Variants in GALNT13 observed in about 807,000 individuals in gnomAD.
GALNT13 encodes UDP-GalNAc:polypeptide N-acetylgalactosaminyltransferase 13.
GALNT13 carries 28 observed loss-of-function variants against 64.2 expected under a neutral mutation model. That is an observed-to-expected ratio of 0.44 (90% CI 0.32 to 0.60). The LOEUF is 0.60. Ranked by LOEUF, GALNT13 falls within the 20% of genes least tolerant of loss-of-function variation. The probability of loss-of-function intolerance (pLI) is 0.05; values close to 1 mark genes in which losing one functional copy is unlikely to be tolerated. For synonymous variants in GALNT13, 214 were observed against 224.6 expected (o/e 0.95, Z 0.42); for missense variants, 577 against 669.8 (o/e 0.86, Z 1.53).
the GALNT13 span, among the ~76,000 whole-genome samples, chr2:153,622,502 A>G: frequency 6.6e-6 from 1 of 152,182 alleles, no homozygotes; most frequent in Non-Finnish European, 1.5e-5. Flanking sequence ...GAGGTAAGGC[A>G]AAGATGATTT....
Position 153,916,309 on chromosome 2 carries a change from G to A in GALNT13, c.-105+15302G>A, listed in dbSNP as rs144451175. Among the ~76,000 whole-genome samples the A allele has an allele frequency of 4.1e-3, 628 of 151,766 alleles. 3 individuals carry two copies. The highest frequency in any genetic ancestry group is 0.014 in the African/African-American group (592 of 41,380). ...GTATCCGGGATGATTGGTGTGTGGC[G>A]TTGTGCCTGGCTAATTTTTAAATTT... On this transcript the variant is annotated intron_variant, in intron 2 of 12. Coordinates refer to ENST00000392825, the MANE Select transcript of GALNT13 (RefSeq NM_052917.4).
intron 3 of GALNT13, among the ~76,000 whole-genome samples, chr2:154,104,841 G>A (rs1256503418): frequency 6.6e-6 from 1 of 152,148 alleles, no homozygotes; most frequent in Non-Finnish European, 1.5e-5. Context: ...CCCAGAATGG[G>A]TACACAACCA....
At chr2:153,723,368 G>T in the GALNT13 span, among the ~76,000 whole-genome samples, 1 of 150,488 alleles carries the variant, frequency 6.6e-6, no homozygotes, top group Non-Finnish European at 1.5e-5. Context: ...GCAAAAACTG[G>T]AAGCATTCCC....
intron 3 of GALNT13, among the ~76,000 whole-genome samples, chr2:154,014,779 C>G (rs1696893685): frequency 1.3e-5 from 2 of 151,118 alleles, no homozygotes; most frequent in Admixed American, 1.3e-4. Flanking sequence ...ACTACAGGCG[C>G]CCACCACCAC....
intron 9 of GALNT13, among the ~76,000 whole-genome samples, chr2:154,350,145 GATGGT>G (rs1359314463): frequency 1.3e-5 from 2 of 152,206 alleles, no homozygotes; most frequent in Non-Finnish European, 2.9e-5. Flanking sequence ...TAACTCCTGT[GATGGT>G]TAACATTGAG....
the GALNT13 span, among the ~76,000 whole-genome samples, chr2:153,833,096 T>C: frequency 3.3e-5 from 5 of 152,132 alleles, no homozygotes; most frequent in Admixed American, 2.6e-4. Flanking sequence ...TTGTTCAGGA[T>C]GTGAATTATC....
chr2:154,152,061 G>T lies in GALNT13; in HGVS notation c.311+11556G>T, dbSNP rs185028510. Among the ~76,000 whole-genome samples the T allele has an allele frequency of 1.0e-3, 155 of 152,250 alleles. 1 individual carries two copies. In the East Asian group the frequency reaches 0.024, roughly 24 times the overall value. Reference sequence around the variant, plus strand: ...TACAATTTGGCATGTTTTTGCAGTGGCTGGTACCGGTTGTTCCTTTCCATG... The same window carrying T: ...TACAATTTGGCATGTTTTTGCAGTGTCTGGTACCGGTTGTTCCTTTCCATG... On this transcript the variant is annotated intron_variant, in intron 4 of 12. Transcript: ENST00000392825.
At chr2:153,104,969 C>G in the GALNT13 span, among the ~76,000 whole-genome samples, 2 of 151,434 alleles carry the variant, frequency 1.3e-5, no homozygotes, top group Admixed American at 6.6e-5. Flanking sequence ...ATGTGCCATG[C>G]TGGTGTGTGC....
the GALNT13 span, among the ~76,000 whole-genome samples, chr2:153,118,319 C>T: frequency 3.3e-5 from 5 of 152,190 alleles, no homozygotes; most frequent in Non-Finnish European, 5.9e-5. Flanking sequence ...TTCACAAGTC[C>T]TCTTCCTCAG....
chr2:153,789,236 G>T, the GALNT13 span, among the ~76,000 whole-genome samples: 3 of 151,900 alleles, frequency 2.0e-5, no homozygotes, highest in East Asian at 1.9e-4. Flanking sequence ...GAACCGAAAT[G>T]ACACCAAACA....
At chr2:153,068,522 T>TC in the GALNT13 span, among the ~76,000 whole-genome samples, 2 of 152,220 alleles carry the variant, frequency 1.3e-5, no homozygotes, top group Non-Finnish European at 1.5e-5. Context: ...AAGTGTGAAC[T>TC]CATACCATTT....
At chr2:153,921,443 A>G (rs944248778) in intron 2 of GALNT13, among the ~76,000 whole-genome samples, 13 of 152,262 alleles carry the variant, frequency 8.5e-5, no homozygotes, top group African/African-American at 3.1e-4. Context: ...GAGGGGAACA[A>G]CAGGCACCAA....
chr2:153,806,282 C>T, the GALNT13 span, among the ~76,000 whole-genome samples: 1 of 151,952 alleles, frequency 6.6e-6, no homozygotes, highest in Non-Finnish European at 1.5e-5. Flanking sequence ...AAGAAGCTCC[C>T]ACTAGCCAAA....
intron 4 of GALNT13, among the ~76,000 whole-genome samples, chr2:154,180,500 G>A (rs1455741382): frequency 6.7e-6 from 1 of 148,412 alleles, no homozygotes; most frequent in African/African-American, 2.5e-5. Flanking sequence ...CGTTTCTACA[G>A]TTATAAGTAC....
the GALNT13 span, among the ~76,000 whole-genome samples, chr2:153,110,596 T>C: frequency 6.6e-6 from 1 of 152,106 alleles, no homozygotes; most frequent in Admixed American, 6.6e-5. Context: ...TTTCACAGGA[T>C]GTGTGATCTT....
chr2:153,426,076 TA>T, the GALNT13 span, among the ~76,000 whole-genome samples: 1 of 151,908 alleles, frequency 6.6e-6, no homozygotes, highest in South Asian at 2.1e-4. Context: ...TATGATTTAA[TA>T]TTGATAGTGA....
intron 2 of GALNT13, among the ~76,000 whole-genome samples, chr2:153,937,077 G>A (rs564211661): frequency 6.6e-6 from 1 of 152,046 alleles, no homozygotes. Flanking sequence ...ATTATAATGG[G>A]GGTGCATTTA....
chr2:153,623,315 T>C, the GALNT13 span, among the ~76,000 whole-genome samples: 2 of 152,162 alleles, frequency 1.3e-5, no homozygotes, highest in Non-Finnish European at 2.9e-5. Flanking sequence ...GACTTAGCTC[T>C]ACTTATCTCA....
chr2:154,456,372 G>A (rs1702033106), downstream of GALNT13, among the ~76,000 whole-genome samples: 1 of 151,992 alleles, frequency 6.6e-6, no homozygotes, highest in Non-Finnish European at 1.5e-5. Flanking sequence ...TTCTTTTGCT[G>A]TAAATTTAAA....
Sources: allele counts gnomAD v4.1 joint callset (sites outside exome capture counted in the v4.1 genomes callset), GRCh38; gene constraint gnomAD v4.1.1; transcripts MANE v1.5; gene names NCBI Gene and HGNC (gene_info 2026-07-23, HGNC 2026-07-21).